The following ABLIM1 variants were observed in gnomAD, a reference collection of about 807,000 sequenced individuals.
ABLIM1 encodes the protein actin-binding LIM protein 1.
A neutral mutation model predicts 107.0 loss-of-function variants in ABLIM1; 40 were observed. The observed-to-expected ratio is 0.37, with a 90% CI of 0.29 to 0.49. The LOEUF (loss-of-function observed/expected upper bound fraction) is 0.49, where lower values mean the gene tolerates loss of function less well. Ranked by LOEUF, ABLIM1 falls within the 20% of genes least tolerant of loss-of-function variation. The pLI is 0.97. For missense variants in ABLIM1, 857 were observed against 1,008.5 expected, an observed-to-expected ratio of 0.85 and a Z score of 2.04; for synonymous variants, 357 against 357.3, an observed-to-expected ratio of 1.00 and a Z score of 0.01.
At chr10:114,696,485 C>T (rs2081196229) in intron 1 of ABLIM1, among the ~76,000 whole-genome samples, 1 of 152,158 alleles carries the variant, frequency 6.6e-6, no homozygotes, top group Non-Finnish European at 1.5e-5. Context: ...GCTGTGTTCC[C>T]ACCCAAATCT....
At chr10:114,528,240 A>G (rs937938357) in intron 6 of ABLIM1, among the ~76,000 whole-genome samples, 6 of 151,838 alleles carry the variant, frequency 4.0e-5, no homozygotes, top group African/African-American at 1.5e-4. Context: ...AAAGTGCTGC[A>G]ATTATAGGTG....
At chr10:114,639,084 C>G (rs910014158) in intron 1 of ABLIM1, among the ~76,000 whole-genome samples, 1 of 152,320 alleles carries the variant, frequency 6.6e-6, no homozygotes, top group Middle Eastern at 3.4e-3. Context: ...AATAAATTCT[C>G]CTAATTATGC....
At chr10:114,614,160 T>C (rs1208345707) in intron 1 of ABLIM1, among the ~76,000 whole-genome samples, 1 of 152,044 alleles carries the variant, frequency 6.6e-6, no homozygotes, top group African/African-American at 2.4e-5. Flanking sequence ...CTTCCAACAC[T>C]TGGAAAGTAG....
chr10:114,755,050 C>A (rs2082598690), intron 1 of ABLIM1, among the ~76,000 whole-genome samples: 1 of 152,118 alleles, frequency 6.6e-6, no homozygotes, highest in South Asian at 2.1e-4. Context: ...GAACAGGGGT[C>A]CCCAGCCTCT....
chr10:114,718,401 C>T (rs1227438355), intron 1 of ABLIM1, among the ~76,000 whole-genome samples: 1 of 152,190 alleles, frequency 6.6e-6, no homozygotes, highest in Non-Finnish European at 1.5e-5. Flanking sequence ...TAAACACCTT[C>T]CTAATCACCT....
chr10:114,773,030 G>A (rs1203740789), upstream of ABLIM1, among the ~76,000 whole-genome samples: 1 of 151,974 alleles, frequency 6.6e-6, no homozygotes, highest in Non-Finnish European at 1.5e-5. Flanking sequence ...TAGAAATACA[G>A]CTCCAAAATA....
the ABLIM1 span, among the ~76,000 whole-genome samples, chr10:114,796,505 T>C: frequency 1.3e-5 from 2 of 152,154 alleles, no homozygotes; most frequent in African/African-American, 4.8e-5. Flanking sequence ...CACTAGCCTT[T>C]AAACCTAATC....
rs1164350502 is a variant in ABLIM1, at chr10:114,690,654, G to A, written c.-213+77407C>T. 9 of 635,614 alleles carry A rather than the reference G, an allele frequency of 1.4e-5. No homozygotes were observed. The East Asian group carries it at 2.4e-4, about 17-fold the overall frequency. 39.4% of individuals were successfully genotyped at this position (635,614 alleles called of 1,614,324 possible). On this transcript the variant is annotated intron_variant, in intron 1 of 15. Coordinates refer to the ABLIM1 transcript ENST00000651092. ...GGGATTGACTATGGCTGATACTACA[G>A]GGCTCCTGGTGGCGGCAGCGTCTGC...
intron 4 of ABLIM1, among the ~76,000 whole-genome samples, chr10:114,550,063 T>C (rs563050430): frequency 3.3e-5 from 5 of 152,192 alleles, no homozygotes; most frequent in Non-Finnish European, 7.3e-5. Flanking sequence ...ATTTGACTAT[T>C]TATAAAATTT....
intron 1 of ABLIM1, among the ~76,000 whole-genome samples, chr10:114,663,554 C>T (rs1451596624): frequency 6.6e-6 from 1 of 152,194 alleles, no homozygotes; most frequent in Non-Finnish European, 1.5e-5. Context: ...TAATGCTCTG[C>T]TAGGAGAGGA....
At position 114,754,143 on chromosome 10, in the gene ABLIM1, C is replaced by CAT. The variant is rs2082579196; in HGVS notation, c.-213+13917_-213+13918insAT. 5.9e-5 allele frequency among the ~76,000 whole-genome samples: 9 copies of CAT among 152,262 alleles called. No individual in the cohort carries two copies. In the South Asian group the frequency reaches 6.2e-4, roughly 11 times the overall value. ...CTGGGATTACAGGTGTGAGCCACTG[C>CAT]GCCCAGCCCTCTGGTCAGGTTTAAG... On this transcript the variant is annotated intron_variant, in intron 1 of 15. Transcript: ENST00000651092.
chr10:114,475,762 A>G (rs940384513), intron 8 of ABLIM1, among the ~76,000 whole-genome samples: 2 of 152,228 alleles, frequency 1.3e-5, no homozygotes, highest in Non-Finnish European at 2.9e-5. Flanking sequence ...GTGAGCAGGA[A>G]GGAAACTTAT....
chr10:114,603,408 T>C (rs1035840266), intron 1 of ABLIM1, among the ~76,000 whole-genome samples: 2 of 151,872 alleles, frequency 1.3e-5, no homozygotes, highest in Non-Finnish European at 2.9e-5. Context: ...GAACACCTGA[T>C]CTGTGTTCTC....
At chr10:114,454,442 G>A (rs894969823) in intron 12 of ABLIM1, among the ~76,000 whole-genome samples, 3 of 152,192 alleles carry the variant, frequency 2.0e-5, no homozygotes, top group Non-Finnish European at 4.4e-5. Flanking sequence ...AGGGTGGGAA[G>A]CCCATATTCC....
chr10:114,472,993 C>G lies in ABLIM1; in HGVS notation c.1259G>C (p.Arg420Thr). The change falls in exon 10 of 23, where the codon AGA becomes ACA. Residue 420 changes from arginine (R) to threonine (T), a missense_variant. By Grantham distance (71) the Arg-to-Thr change is moderately conservative. This residue lies in a region of ABLIM1 where 381 missense variants were observed against 506.9 expected (regional missense o/e 0.75). Coordinates refer to ENST00000533213, the MANE Select transcript of ABLIM1 (RefSeq NM_002313.7). ...YTSGYDDKQE[R>T]QSLGESPRTL... The stretch of plus-strand genomic sequence containing the variant: ...ATGTATTACCTCTCCAAGGCTCTGT[C>G]TCTCCTGTTTGTCATCATAGCCCGA... 2 of 1,603,160 alleles carry G rather than the reference C, an allele frequency of 1.2e-6. No individual in the cohort carries two copies. The highest frequency in any genetic ancestry group is 2.7e-5 in the African/African-American group (2 of 74,636).
chr10:114,514,238 T>C (rs1182075091), intron 6 of ABLIM1, among the ~76,000 whole-genome samples: 1 of 150,900 alleles, frequency 6.6e-6, no homozygotes, highest in Admixed American at 6.6e-5. Flanking sequence ...AGCCGGAGAT[T>C]GCGGTGAGCC....
At chr10:114,517,251 T>C (rs1196228021) in intron 6 of ABLIM1, among the ~76,000 whole-genome samples, 2 of 152,116 alleles carry the variant, frequency 1.3e-5, no homozygotes, top group Non-Finnish European at 2.9e-5. Flanking sequence ...CTGAATCCAA[T>C]GACAAGTCTT....
At chr10:114,586,865 C>T (rs1305219910) in intron 2 of ABLIM1, among the ~76,000 whole-genome samples, 1 of 152,096 alleles carries the variant, frequency 6.6e-6, no homozygotes, top group Non-Finnish European at 1.5e-5. Flanking sequence ...TTCCAAAACT[C>T]CATTTCAGAA....
chr10:114,611,702 A>C (rs1312464051), intron 1 of ABLIM1, among the ~76,000 whole-genome samples: 1 of 152,132 alleles, frequency 6.6e-6, no homozygotes, highest in Non-Finnish European at 1.5e-5. Context: ...CTTATAAATC[A>C]CTTGGCGCAC....
Sources: gnomAD v4.1 joint callset for allele counts (sites outside exome capture counted in the v4.1 genomes callset) on GRCh38, gnomAD v4.1.1 for gene constraint, gnomAD v4.1.1 regional missense constraint, MANE v1.5 for transcripts, NCBI Gene and HGNC (gene_info 2026-07-23, HGNC 2026-07-21) for gene names.